The following KIAA1217 variants were observed in gnomAD, a reference collection of about 807,000 sequenced individuals.
KIAA1217 encodes sickle tail protein homolog.
KIAA1217 carries 88 observed loss-of-function variants against 163.9 expected under a neutral mutation model. The observed-to-expected ratio is 0.54, with a 90% CI of 0.45 to 0.64. The LOEUF (loss-of-function observed/expected upper bound fraction) is 0.64. Among genes scored for constraint, KIAA1217 ranks in the 30% least tolerant of loss-of-function variants. The pLI is 0.00. For synonymous variants in KIAA1217, 903 were observed against 923.1 expected (o/e 0.98, Z 0.39); for missense variants, 2,372 against 2,475.0 (o/e 0.96, Z 0.88).
At chr10:23,735,102 A>G (rs1239258290) in intron 1 of KIAA1217, among the ~76,000 whole-genome samples, 2 of 152,198 alleles carry the variant, frequency 1.3e-5, no homozygotes, top group Non-Finnish European at 2.9e-5. Flanking sequence ...GAATATTGCT[A>G]TAGGTGTCTG....
chr10:23,868,311 G>T (rs1840293048), intron 1 of KIAA1217, among the ~76,000 whole-genome samples: 1 of 152,092 alleles, frequency 6.6e-6, no homozygotes, highest in Admixed American at 6.6e-5. Context: ...TGGCATGAAG[G>T]ATTCAAAGAC....
intron 2 of KIAA1217, among the ~76,000 whole-genome samples, chr10:24,058,959 T>C (rs1589334527): frequency 6.6e-6 from 1 of 152,080 alleles, no homozygotes; most frequent in East Asian, 1.9e-4. Context: ...GTCTTCCTCC[T>C]GATCTTAGAA....
intron 2 of KIAA1217, among the ~76,000 whole-genome samples, chr10:24,290,985 C>T (rs2079037818): frequency 6.6e-6 from 1 of 152,130 alleles, no homozygotes; most frequent in Admixed American, 6.6e-5. Flanking sequence ...ATTGTGCCCT[C>T]TTTTCAAAGT....
intron 1 of KIAA1217, among the ~76,000 whole-genome samples, chr10:23,986,306 G>A (rs766951833): frequency 6.6e-6 from 1 of 152,188 alleles, no homozygotes; most frequent in Non-Finnish European, 1.5e-5. Flanking sequence ...TTGCAATTTT[G>A]TGTTAGACTG....
At chr10:24,310,070 A>G (rs2042508726) in intron 2 of KIAA1217, among the ~76,000 whole-genome samples, 1 of 152,168 alleles carries the variant, frequency 6.6e-6, no homozygotes. Flanking sequence ...TGGCAACGTT[A>G]TTTCTCTGCT....
chr10:24,266,896 G>A (rs916240386), intron 2 of KIAA1217, among the ~76,000 whole-genome samples: 3 of 152,144 alleles, frequency 2.0e-5, no homozygotes, highest in Non-Finnish European at 2.9e-5. Context: ...TACTGCTCAC[G>A]CTTTGGGTCG....
At chr10:24,336,941 C>G (rs983876195) in intron 2 of KIAA1217, among the ~76,000 whole-genome samples, 3 of 152,040 alleles carry the variant, frequency 2.0e-5, no homozygotes, top group Admixed American at 2.0e-4. Flanking sequence ...AATATAAGAG[C>G]TAAAACTATA....
intron 5 of KIAA1217, among the ~76,000 whole-genome samples, chr10:24,470,310 T>C (rs2063368196): frequency 6.6e-6 from 1 of 152,208 alleles, no homozygotes; most frequent in Non-Finnish European, 1.5e-5. Flanking sequence ...CTCCCTGGAA[T>C]GAGCATCAGT....
chr10:24,087,169 A>T (rs976025993), intron 2 of KIAA1217, among the ~76,000 whole-genome samples: 1 of 152,248 alleles, frequency 6.6e-6, no homozygotes, highest in Non-Finnish European at 1.5e-5. Context: ...GACTCAGAAA[A>T]AAATTTAAGA....
intron 2 of KIAA1217, among the ~76,000 whole-genome samples, chr10:24,017,046 T>TG (rs1035242261): frequency 4.0e-5 from 6 of 151,160 alleles, no homozygotes; most frequent in African/African-American, 1.5e-4. Context: ...TTTTGTTTTT[T>TG]TTTTTTTTTT....
intron 1 of KIAA1217, among the ~76,000 whole-genome samples, chr10:23,937,536 GCCCCACTAT>G (rs1260175135): frequency 1.3e-5 from 2 of 152,086 alleles, no homozygotes; most frequent in African/African-American, 4.8e-5. Context: ...ACCTTACCTA[GCCCCACTAT>G]CCCATGTTTT....
chr10:24,119,532 A>G (rs1218902022), intron 2 of KIAA1217, among the ~76,000 whole-genome samples: 1 of 152,246 alleles, frequency 6.6e-6, no homozygotes, highest in Non-Finnish European at 1.5e-5. Context: ...TTGCACTATT[A>G]GGCTGAGCTA....
chr10:24,007,188 C>T (rs1348013389), intron 1 of KIAA1217: 15 of 150,338 alleles, frequency 1.0e-4, no homozygotes, highest in Non-Finnish European at 1.6e-4. Flanking sequence ...AGCAGTTCTG[C>T]AGTGGGAACA....
chr10:24,137,611 AG>A (rs1422419462), intron 2 of KIAA1217, among the ~76,000 whole-genome samples: 187 of 152,370 alleles, frequency 1.2e-3, no homozygotes, highest in African/African-American at 4.4e-3. Context: ...TTTTTAAAAT[AG>A]AGTAGAATCA....
chr10:24,401,584 T>C (rs1315160526), intron 3 of KIAA1217, among the ~76,000 whole-genome samples: 1 of 152,114 alleles, frequency 6.6e-6, no homozygotes, highest in Non-Finnish European at 1.5e-5. Flanking sequence ...AAACTAGGAA[T>C]AGAGGTGAAC....
chr10:23,967,796 T>C (rs1412772768), intron 1 of KIAA1217, among the ~76,000 whole-genome samples: 1 of 152,192 alleles, frequency 6.6e-6, no homozygotes, highest in African/African-American at 2.4e-5. Context: ...GGTGAATATT[T>C]ACATTTTATT....
At chr10:24,038,874 C>T (rs1377748079) in intron 2 of KIAA1217, among the ~76,000 whole-genome samples, 2 of 150,196 alleles carry the variant, frequency 1.3e-5, no homozygotes, top group African/African-American at 2.5e-5. Context: ...GCCTCAGCCT[C>T]TTGGGACTCT....
intron 2 of KIAA1217, among the ~76,000 whole-genome samples, chr10:24,151,900 C>T (rs2064634096): frequency 6.6e-6 from 1 of 152,108 alleles, no homozygotes. Flanking sequence ...TGATATGAAT[C>T]TCATCTAATT....
At position 24,542,748 on chromosome 10, in the gene KIAA1217, G is replaced by T; in HGVS notation, c.3590G>T (p.Gly1197Val). ...VRKSDVEYEN[G>V]PQMEFQKVTT... is the part of the protein sequence containing the mutation. ...AAATCTGATGTTGAATATGAAAATGGCCCCCAAATGGAATTCCAAAAGGTG... is the reference window on the plus strand; with the variant it reads ...AAATCTGATGTTGAATATGAAAATGTCCCCCAAATGGAATTCCAAAAGGTG... The change falls in exon 18 of 21, where the codon GGC becomes GTC. Residue 1197 changes from glycine (G) to valine (V), a missense_variant. Around this residue, in one of 3 missense-constraint regions of KIAA1217, gnomAD observed 251 missense variants for 327.3 expected, o/e 0.77. Coordinates refer to ENST00000376454, the MANE Select transcript of KIAA1217 (RefSeq NM_019590.5). 6.2e-7 allele frequency: 1 copy of T among 1,614,056 alleles called. No individual in the cohort carries two copies. The highest frequency in any genetic ancestry group is 8.5e-7 in the Non-Finnish European group (1 of 1,179,982).
Sources: gnomAD v4.1 joint callset for allele counts (sites outside exome capture counted in the v4.1 genomes callset) on GRCh38, gnomAD v4.1.1 for gene constraint, gnomAD v4.1.1 regional missense constraint, MANE v1.5 for transcripts, NCBI Gene and HGNC (gene_info 2026-07-23, HGNC 2026-07-21) for gene names.